NTM: variants seen among roughly 807,000 people sequenced by gnomAD.
The protein encoded by NTM is IgLON family member 2.
NTM carries 13 observed loss-of-function variants against 42.1 expected under a neutral mutation model. The observed-to-expected ratio is 0.31, with a 90% CI of 0.20 to 0.49. The LOEUF is 0.49. Ranked by LOEUF, NTM falls within the 20% of genes least tolerant of loss-of-function variation. The pLI, the probability that NTM is intolerant of heterozygous loss-of-function variation, is 0.99. For synonymous variants in NTM, 187 were observed against 179.2 expected, an observed-to-expected ratio of 1.04 and a Z score of -0.35; for missense variants, 373 against 452.8, an observed-to-expected ratio of 0.82 and a Z score of 1.60.
intron 2 of NTM, among the ~76,000 whole-genome samples, chr11:132,111,868 A>G (rs568972849): frequency 6.2e-4 from 95 of 152,356 alleles, no homozygotes; most frequent in African/African-American, 2.3e-3. Flanking sequence ...CTTCACCACT[A>G]GTTTGAATTT....
chr11:131,686,461 T>C (rs1295435270), intron 1 of NTM, among the ~76,000 whole-genome samples: 22 of 152,144 alleles, frequency 1.4e-4, no homozygotes, highest in Admixed American at 1.4e-3. Flanking sequence ...CAAATGGAAG[T>C]GGACCATCAT....
At chr11:132,219,514 AATATT>A (rs1443883832) in intron 4 of NTM, among the ~76,000 whole-genome samples, 5 of 151,816 alleles carry the variant, frequency 3.3e-5, no homozygotes, top group African/African-American at 1.2e-4. Context: ...TAATATGTAT[AATATT>A]ATATTATTAA....
intron 2 of NTM, among the ~76,000 whole-genome samples, chr11:131,971,377 T>C (rs992122121): frequency 1.1e-4 from 16 of 152,340 alleles, no homozygotes; most frequent in Admixed American, 6.5e-5. Context: ...TATTACCGAT[T>C]CTTTGGCCTA....
At chr11:131,948,741 G>A (rs2060651384) in intron 2 of NTM, among the ~76,000 whole-genome samples, 1 of 152,112 alleles carries the variant, frequency 6.6e-6, no homozygotes, top group Non-Finnish European at 1.5e-5. Flanking sequence ...ATATAAAATG[G>A]CCCCACCGCC....
At chr11:131,654,276 C>T (rs982657794) in intron 1 of NTM, among the ~76,000 whole-genome samples, 30 of 152,166 alleles carry the variant, frequency 2.0e-4, no homozygotes, top group African/African-American at 7.2e-4. Context: ...AGGCGCAGCC[C>T]TAGAATGTCA....
intron 3 of NTM, among the ~76,000 whole-genome samples, chr11:132,192,885 G>T (rs1314985883): frequency 6.6e-6 from 1 of 152,062 alleles, no homozygotes; most frequent in Non-Finnish European, 1.5e-5. Context: ...TTAAACCAAA[G>T]TTGGTCAAAA....
intron 1 of NTM, among the ~76,000 whole-genome samples, chr11:131,584,502 C>T (rs1161197564): frequency 2.0e-5 from 3 of 151,948 alleles, no homozygotes; most frequent in South Asian, 4.2e-4. Flanking sequence ...TGGTTCAAGC[C>T]GGGACTATAT....
chr11:131,377,403 C>A (rs575085812), intron 1 of NTM, among the ~76,000 whole-genome samples: 1 of 152,298 alleles, frequency 6.6e-6, no homozygotes, highest in Non-Finnish European at 1.5e-5. Context: ...CTGCACAGAA[C>A]TGGAGGGCCA....
In NTM at chr11:131,775,322, T is replaced by A. The variant is rs112810065; in HGVS notation, c.83-136242T>A. On this transcript the variant is annotated intron_variant, in intron 1 of 8. Transcript: ENST00000683400. ...TCATTTGTTTTAGTTTAATAACTAA[T>A]AATAACTACTTATTCACTTGGTTTT... is the stretch of plus-strand genomic sequence containing the variant. Among the ~76,000 whole-genome samples, 736 of 152,364 alleles carry A rather than the reference T, an allele frequency of 4.8e-3. 12 individuals are homozygous for A. The highest frequency in any genetic ancestry group is 0.017 in the African/African-American group (704 of 41,582).
chr11:131,486,547 C>A (rs1039547881), intron 1 of NTM, among the ~76,000 whole-genome samples: 2 of 152,160 alleles, frequency 1.3e-5, no homozygotes, highest in Non-Finnish European at 2.9e-5. Context: ...TGGAGCCTGG[C>A]AGAAATTGAT....
intron 1 of NTM, among the ~76,000 whole-genome samples, chr11:131,561,931 T>A (rs1434187196): frequency 6.6e-6 from 1 of 152,254 alleles, no homozygotes; most frequent in Non-Finnish European, 1.5e-5. Flanking sequence ...AATTTCACAA[T>A]GTCCTATTTA....
At chr11:131,596,214 C>T (rs985896688) in intron 1 of NTM, among the ~76,000 whole-genome samples, 4 of 152,170 alleles carry the variant, frequency 2.6e-5, no homozygotes, top group African/African-American at 9.7e-5. Context: ...GATCTGGATG[C>T]CTTCTAGTAT....
rs906356269 is a variant in NTM, at chr11:132,330,329, G to T, written c.967+144G>T. The T allele has an allele frequency of 1.9e-5, 17 of 872,840 alleles. No individual in the cohort carries two copies. The South Asian group carries it at 2.2e-4, about 11-fold the overall frequency. The allele number at this position is 872,840 out of a possible 1,614,324, so 54.1% of individuals were successfully genotyped here. ...CCTCCCCCAACCTTCAACCATCTCC[G>T]TGTCAATTTAGATTAACCCCATCCT... On this transcript the variant is annotated intron_variant, in intron 8 of 8. Transcript: ENST00000683400.
chr11:132,223,307 T>C (rs1352077699), intron 4 of NTM, among the ~76,000 whole-genome samples: 5 of 152,176 alleles, frequency 3.3e-5, no homozygotes, highest in Admixed American at 6.5e-5. Context: ...TAATATGTTA[T>C]ATGGTAATTG....
chr11:131,564,649 C>A (rs942089016), intron 1 of NTM, among the ~76,000 whole-genome samples: 1 of 152,110 alleles, frequency 6.6e-6, no homozygotes, highest in African/African-American at 2.4e-5. Context: ...ATATCCATCA[C>A]CTCCAAGAGT....
At chr11:131,523,343 C>T (rs188360242) in intron 1 of NTM, among the ~76,000 whole-genome samples, 2 of 152,220 alleles carry the variant, frequency 1.3e-5, no homozygotes, top group East Asian at 3.9e-4. Context: ...GAAAGTGTCA[C>T]CAGATTTTAT....
intron 2 of NTM, among the ~76,000 whole-genome samples, chr11:132,071,730 G>A (rs1368330630): frequency 6.6e-6 from 1 of 152,108 alleles, no homozygotes; most frequent in African/African-American, 2.4e-5. Context: ...GCGTTTTTGT[G>A]TGAAAGAGAG....
intron 1 of NTM, among the ~76,000 whole-genome samples, chr11:131,811,639 T>TA (rs1445553719): frequency 4.6e-5 from 7 of 152,186 alleles, no homozygotes; most frequent in African/African-American, 1.7e-4. Flanking sequence ...ATGTATATTG[T>TA]AAAGCAGGGA....
At position 131,552,838 on chromosome 11, in the gene NTM, C is replaced by A. The variant is rs912942865; in HGVS notation, c.82+181950C>A. Among the ~76,000 whole-genome samples, 8 of 150,772 alleles carry A rather than the reference C, an allele frequency of 5.3e-5. 1 individual carries two copies. The highest frequency in any genetic ancestry group is 1.9e-4 in the African/African-American group (8 of 41,242). On this transcript the variant is annotated intron_variant, in intron 1 of 8. Transcript: ENST00000683400. ...GTCTCAAAAAAAAAAAAAATAATAG[C>A]CTCAAGGTAGAAACAGTGCCAATGT...
Sources: gnomAD v4.1 joint callset for allele counts (sites outside exome capture counted in the v4.1 genomes callset) on GRCh38, gnomAD v4.1.1 for gene constraint, MANE v1.5 for transcripts, NCBI Gene and HGNC (gene_info 2026-07-23, HGNC 2026-07-21) for gene names.